TXK: variants seen among roughly 807,000 people sequenced by gnomAD.
TXK encodes tyrosine-protein kinase TXK.
In TXK, 60 loss-of-function variants were observed where a neutral mutation model predicts 81.0. That is an observed-to-expected ratio of 0.74 (90% CI 0.60 to 0.92). TXK has a LOEUF of 0.92. Ranked by LOEUF, TXK falls within the 40% of genes least tolerant of loss-of-function variation. TXK has a pLI of 0.00. For missense variants in TXK, 581 were observed against 638.3 expected (o/e 0.91, Z 0.97); for synonymous variants, 203 against 210.7 (o/e 0.96, Z 0.32).
At chr4:48,099,599 T>A (rs1034919501) in intron 6 of TXK, among the ~76,000 whole-genome samples, 1 of 152,072 alleles carries the variant, frequency 6.6e-6, no homozygotes, top group Non-Finnish European at 1.5e-5. Flanking sequence ...GGACAAAAAA[T>A]ATATATTAAT....
At chr4:48,080,283 G>T in intron 10 of TXK, 155 bp from the exon 11 acceptor site, 1 of 640,652 alleles carries the variant, frequency 1.6e-6, no homozygotes, top group Non-Finnish European at 2.7e-6. Context: ...CAGTTTCCTT[G>T]CCACTTAATG....
intron 8 of TXK, among the ~76,000 whole-genome samples, chr4:48,093,396 G>A (rs907211861): frequency 1.3e-5 from 2 of 152,230 alleles, no homozygotes; most frequent in Non-Finnish European, 2.9e-5. Flanking sequence ...GCAATGCTGA[G>A]ATAAGAAGAT....
chr4:48,082,877 C>G (rs2109413586), intron 10 of TXK, among the ~76,000 whole-genome samples: 1 of 152,260 alleles, frequency 6.6e-6, no homozygotes, highest in East Asian at 1.9e-4. Flanking sequence ...GGCCAAACTC[C>G]AGGGGAAGAT....
chr4:48,076,264 G>C (rs1276830752), intron 12 of TXK, 138 bp downstream of exon 12: 3 of 544,476 alleles, frequency 5.5e-6, no homozygotes, highest in Non-Finnish European at 9.2e-6. Flanking sequence ...GGGTCAGTAG[G>C]CCATACAACC....
At chr4:48,108,824 G>A (rs1246214952) in intron 5 of TXK, among the ~76,000 whole-genome samples, 1 of 152,150 alleles carries the variant, frequency 6.6e-6, no homozygotes, top group African/African-American at 2.4e-5. Flanking sequence ...TAAACAGGCT[G>A]TTATAGCCAG....
intron 14 of TXK, among the ~76,000 whole-genome samples, chr4:48,068,486 A>T (rs962903399): frequency 6.6e-6 from 1 of 152,224 alleles, no homozygotes; most frequent in Admixed American, 6.5e-5. Flanking sequence ...AAGAGTGTGG[A>T]AGTCCCTCTC....
intron 1 of TXK, among the ~76,000 whole-genome samples, chr4:48,121,069 C>T (rs557876357): frequency 8.5e-5 from 13 of 152,206 alleles, no homozygotes; most frequent in East Asian, 1.9e-4. Context: ...CTAGATTTCC[C>T]GCAAAGCTTT....
chr4:48,080,866 C>T lies in TXK; in HGVS notation c.957-738G>A, dbSNP rs574477984. Reference sequence around the variant, plus strand: ...ATGGAAAATAATATTCAAATTAATGCTTATAATTTTAGAAGATGTACCTTG... The same window carrying T: ...ATGGAAAATAATATTCAAATTAATGTTTATAATTTTAGAAGATGTACCTTG... On this transcript the variant is annotated intron_variant, in intron 10 of 14. Coordinates refer to ENST00000264316, the MANE Select transcript of TXK (RefSeq NM_003328.3). 2.6e-5 allele frequency among the ~76,000 whole-genome samples: 4 copies of T among 152,146 alleles called. No individual in the cohort carries two copies. In the East Asian group the frequency reaches 5.8e-4, roughly 22 times the overall value.
intron 1 of TXK, among the ~76,000 whole-genome samples, chr4:48,127,299 A>G (rs1719115514): frequency 6.6e-6 from 1 of 152,244 alleles, no homozygotes; most frequent in Non-Finnish European, 1.5e-5. Context: ...GTGTTGGGCC[A>G]AAATTCATTC....
chr4:48,095,250 G>A, intron 6 of TXK, 28 bp from the exon 7 acceptor site: 1 of 1,565,842 alleles, frequency 6.4e-7, no homozygotes. Flanking sequence ...TATTGAATAA[G>A]TCTATTCCTT....
At chr4:48,110,698 GA>G in intron 4 of TXK, 95 bp from the exon 5 acceptor site, 12 of 875,578 alleles carry the variant, frequency 1.4e-5, no homozygotes, top group Non-Finnish European at 1.8e-5. Context: ...ATGTAGGGGG[GA>G]AATCAAATTC....
At chr4:48,130,150 A>C (rs1047621224) in intron 1 of TXK, among the ~76,000 whole-genome samples, 3 of 152,242 alleles carry the variant, frequency 2.0e-5, no homozygotes, top group African/African-American at 7.2e-5. Flanking sequence ...ATCAAACTCC[A>C]GCCCCAGGCA....
chr4:48,094,064 G>C lies in TXK; in HGVS notation c.709+13C>G. 1 of 1,613,090 alleles carries C rather than the reference G, an allele frequency of 6.2e-7. No individual in the cohort carries two copies. Among genetic ancestry groups the C allele is most frequent in the Non-Finnish European group, 8.5e-7 (1 of 1,180,026 alleles). On this transcript the variant is annotated intron_variant, in intron 8 of 14. Coordinates refer to ENST00000264316, the MANE Select transcript of TXK (RefSeq NM_003328.3). ...GGCTCCCTGACTCACCCAGCTGGAA[G>C]TTCCCCTCTTACCGGCTGCATTGTG...
intron 5 of TXK, among the ~76,000 whole-genome samples, chr4:48,108,455 G>A (rs1329343578): frequency 6.6e-6 from 1 of 152,304 alleles, no homozygotes. Flanking sequence ...ACTCTGCCCA[G>A]AACCAAAGCA....
At chr4:48,075,612 T>G (rs1255921992) in intron 12 of TXK, among the ~76,000 whole-genome samples, 1 of 151,954 alleles carries the variant, frequency 6.6e-6, no homozygotes, top group Non-Finnish European at 1.5e-5. Flanking sequence ...AGAGCACCAC[T>G]GCACTCCAGC....
intron 10 of TXK, among the ~76,000 whole-genome samples, chr4:48,084,058 G>A (rs1420971340): frequency 6.6e-6 from 1 of 152,126 alleles, no homozygotes; most frequent in Non-Finnish European, 1.5e-5. Context: ...TAGAATGGAA[G>A]ATTTTCTGCC....
intron 13 of TXK, among the ~76,000 whole-genome samples, chr4:48,072,294 C>T (rs932038544): frequency 4.6e-5 from 7 of 152,186 alleles, no homozygotes; most frequent in African/African-American, 1.4e-4. Flanking sequence ...TAAGCCATCA[C>T]GCCCGGCCTA....
In TXK at chr4:48,080,018, C is replaced by T; in HGVS notation, c.1067G>A (p.Arg356Lys). Residue 356 changes from arginine (R) to lysine (K), a missense_variant, in exon 11 of 15, where the codon AGG (arginine) becomes AAG (lysine). Transcript: ENST00000264316. Reference sequence around the variant, plus strand: ...CTTCCTAAGCTTTCCTTTATTCTCCCTGAGATAGTTAAGCAGGCAGCCATT... The same window carrying T: ...CTTCCTAAGCTTTCCTTTATTCTCCTTGAGATAGTTAAGCAGGCAGCCATT... Reference protein sequence around the residue: ...MENGCLLNYLRENKGKLRKEM... With the variant: ...MENGCLLNYLKENKGKLRKEM... 6.2e-7 allele frequency: 1 copy of T among 1,614,008 alleles called. No homozygotes were observed. The highest frequency in any genetic ancestry group is 8.5e-7 in the Non-Finnish European group (1 of 1,179,970).
At position 48,076,406 on chromosome 4, in the gene TXK, T is replaced by A; in HGVS notation, c.1234A>T (p.Thr412Ser). 3.7e-6 allele frequency: 6 copies of A among 1,608,926 alleles called. No homozygotes were observed. The highest frequency in any genetic ancestry group is 5.1e-6 in the Non-Finnish European group (6 of 1,176,378). ...CIVKISDFGM[T>S]RYVLDDEYVS... is the part of the protein sequence containing the mutation. ...ATATATATACATAGCATGTACCTTGTCATTCCAAAGTCTGAAATTTTTACT... is the reference window on the plus strand; with the variant it reads ...ATATATATACATAGCATGTACCTTGACATTCCAAAGTCTGAAATTTTTACT... The change falls in exon 12 of 15, where the codon ACA (threonine) becomes TCA (serine). Residue 412 changes from threonine (T) to serine (S), a missense_variant. Transcript: ENST00000264316.
Sources: gnomAD v4.1 joint callset for allele counts (sites outside exome capture counted in the v4.1 genomes callset) on GRCh38, gnomAD v4.1.1 for gene constraint, MANE v1.5 for transcripts, NCBI Gene and HGNC (gene_info 2026-07-23, HGNC 2026-07-21) for gene names.